Variants in PTPRM observed in about 807,000 individuals in gnomAD.
PTPRM encodes receptor-type tyrosine-protein phosphatase mu.
In PTPRM, 47 loss-of-function variants were observed where a neutral mutation model predicts 186.7. That is an observed-to-expected ratio of 0.25 (90% CI 0.20 to 0.32). The LOEUF (loss-of-function observed/expected upper bound fraction) is 0.32. Among genes scored for constraint, PTPRM ranks in the 10% least tolerant of loss-of-function variants. The pLI is 1.00. For missense variants in PTPRM, 1,494 were observed against 1,865.0 expected, an observed-to-expected ratio of 0.80 and a Z score of 3.66; for synonymous variants, 668 against 674.9, an observed-to-expected ratio of 0.99 and a Z score of 0.16.
chr18:8,125,965 G>T (rs2092324906), intron 13 of PTPRM, among the ~76,000 whole-genome samples: 1 of 119,828 alleles, frequency 8.3e-6, no homozygotes, highest in African/African-American at 3.1e-5. Flanking sequence ...AATGCTATAT[G>T]TGTGTGTATA....
At chr18:8,389,164 A>G (rs2095796173) in intron 31 of PTPRM, among the ~76,000 whole-genome samples, 2 of 152,184 alleles carry the variant, frequency 1.3e-5, no homozygotes, top group Non-Finnish European at 1.5e-5. Flanking sequence ...CTAAAATACT[A>G]AAAATAGGTT....
Position 8,269,430 on chromosome 18 carries a change from G to A in PTPRM, c.2754+16016G>A, listed in dbSNP as rs2094742845. 2.6e-5 allele frequency among the ~76,000 whole-genome samples: 4 copies of A among 151,984 alleles called. No homozygotes were observed. In the South Asian group the frequency reaches 8.3e-4, roughly 32 times the overall value. ...AAAGAAATACCCATGTTCATGGATT[G>A]GAAGGCTTAATATTGTTAAAATGCC... On this transcript the variant is annotated intron_variant, in intron 19 of 32. Transcript: ENST00000580170.
At chr18:8,291,860 A>G (rs2095046689) in intron 19 of PTPRM, among the ~76,000 whole-genome samples, 1 of 152,072 alleles carries the variant, frequency 6.6e-6, no homozygotes, top group Non-Finnish European at 1.5e-5. Context: ...TTCCAAAAAA[A>G]AAAAAAAAGG....
chr18:8,274,628 G>T (rs1358856505), intron 19 of PTPRM, among the ~76,000 whole-genome samples: 2 of 152,170 alleles, frequency 1.3e-5, no homozygotes, highest in African/African-American at 4.8e-5. Context: ...CTAAGCATTT[G>T]TTAAATTATT....
intron 2 of PTPRM, among the ~76,000 whole-genome samples, chr18:7,856,806 C>G (rs778743873): frequency 6.6e-5 from 10 of 151,352 alleles, no homozygotes; most frequent in Non-Finnish European, 1.5e-4. Flanking sequence ...ATCTCCATAT[C>G]TAAGCTGTAG....
intron 7 of PTPRM, among the ~76,000 whole-genome samples, chr18:8,024,640 G>A (rs566003992): frequency 6.9e-6 from 1 of 144,012 alleles, no homozygotes; most frequent in Non-Finnish European, 1.5e-5. Context: ...ACATAAGACT[G>A]TACTTTTCAC....
At chr18:7,813,160 T>C (rs193146074) in intron 2 of PTPRM, among the ~76,000 whole-genome samples, 5 of 152,236 alleles carry the variant, frequency 3.3e-5, no homozygotes, top group Admixed American at 1.3e-4. Flanking sequence ...TGTTCTTCCA[T>C]AGAAATGAAA....
intron 2 of PTPRM, among the ~76,000 whole-genome samples, chr18:7,842,672 G>A (rs773118636): frequency 3.0e-4 from 45 of 152,030 alleles, no homozygotes; most frequent in South Asian, 1.2e-3. Flanking sequence ...GAATTTTCAA[G>A]ATTGTAACAT....
At chr18:7,611,476 AC>A (rs138431448) in intron 1 of PTPRM, among the ~76,000 whole-genome samples, 331 of 152,294 alleles carry the variant, frequency 2.2e-3, no homozygotes, top group African/African-American at 7.5e-3. Context: ...GTTTAGATAG[AC>A]AAATATTTGC....
chr18:7,906,265 G>A (rs2049976845), intron 3 of PTPRM, among the ~76,000 whole-genome samples: 1 of 152,054 alleles, frequency 6.6e-6, no homozygotes, highest in African/African-American at 2.4e-5. Flanking sequence ...TTTCACTATG[G>A]GTTTTCTAAG....
intron 14 of PTPRM, among the ~76,000 whole-genome samples, chr18:8,168,530 G>T (rs921207008): frequency 6.6e-6 from 1 of 151,976 alleles, no homozygotes; most frequent in African/African-American, 2.4e-5. Context: ...TTGTTAATTT[G>T]TAGACTGTTT....
chr18:8,258,955 T>C (rs1368689545), intron 19 of PTPRM, among the ~76,000 whole-genome samples: 2 of 152,160 alleles, frequency 1.3e-5, no homozygotes, highest in Non-Finnish European at 2.9e-5. Context: ...TTTGTTTTTG[T>C]TTGTTTTGTT....
At chr18:8,160,281 G>A (rs374265829) in intron 14 of PTPRM, among the ~76,000 whole-genome samples, 52 of 151,956 alleles carry the variant, frequency 3.4e-4, no homozygotes, top group African/African-American at 1.1e-3. Flanking sequence ...TTCTTTTTAT[G>A]TATTTTCTAT....
chr18:8,115,232 T>C (rs888186999), intron 13 of PTPRM, among the ~76,000 whole-genome samples: 2 of 152,198 alleles, frequency 1.3e-5, no homozygotes, highest in African/African-American at 4.8e-5. Context: ...AGTAGTTCTC[T>C]AGTTATAATA....
intron 7 of PTPRM, among the ~76,000 whole-genome samples, chr18:7,958,133 A>G (rs1235127573): frequency 6.6e-6 from 1 of 151,780 alleles, no homozygotes; most frequent in Non-Finnish European, 1.5e-5. Flanking sequence ...ATTTGGCTTC[A>G]ATGCAAATGA....
chr18:7,729,207 C>G (rs1483288589), intron 1 of PTPRM, among the ~76,000 whole-genome samples: 1 of 152,158 alleles, frequency 6.6e-6, no homozygotes, highest in Non-Finnish European at 1.5e-5. Context: ...CACACTGGCC[C>G]CCTCCAACTT....
At chr18:8,064,183 G>A (rs1326683268) in intron 7 of PTPRM, among the ~76,000 whole-genome samples, 2 of 152,038 alleles carry the variant, frequency 1.3e-5, no homozygotes, top group Admixed American at 1.3e-4. Context: ...TAGTTGCTAT[G>A]TAGATAATCT....
At chr18:8,389,437 C>T (rs2095797750) in intron 31 of PTPRM, among the ~76,000 whole-genome samples, 1 of 152,224 alleles carries the variant, frequency 6.6e-6, no homozygotes, top group Non-Finnish European at 1.5e-5. Context: ...CATTGCTGTT[C>T]CATGTAAAAC....
At chr18:7,845,080 G>A (rs1278662430) in intron 2 of PTPRM, among the ~76,000 whole-genome samples, 4 of 152,108 alleles carry the variant, frequency 2.6e-5, no homozygotes, top group Non-Finnish European at 5.9e-5. Context: ...CCTTTTATCT[G>A]AATGAACAGT....
Sources: gnomAD v4.1 joint callset for allele counts (sites outside exome capture counted in the v4.1 genomes callset) on GRCh38, gnomAD v4.1.1 for gene constraint, MANE v1.5 for transcripts, NCBI Gene and HGNC (gene_info 2026-07-23, HGNC 2026-07-21) for gene names.